CCDC30: variants seen among roughly 807,000 people sequenced by gnomAD.
The protein encoded by CCDC30 is coiled-coil domain containing 30, also known as coiled-coil domain-containing protein 30.
In CCDC30, 70 loss-of-function variants were observed where a neutral mutation model predicts 100.2. That is an observed-to-expected ratio of 0.70 (90% CI 0.58 to 0.85). The LOEUF is 0.85. CCDC30 is among the 40% of genes least tolerant of loss of function. CCDC30 has a pLI of 0.00. For synonymous variants in CCDC30, 233 were observed against 269.5 expected, an observed-to-expected ratio of 0.86 and a Z score of 1.33; for missense variants, 652 against 771.2, an observed-to-expected ratio of 0.85 and a Z score of 1.83.
chr1:42,490,375 G>T, intron 4 of CCDC30, 146 bp downstream of exon 4: 1 of 361,298 alleles, frequency 2.8e-6, no homozygotes, highest in Non-Finnish European at 4.9e-6. Flanking sequence ...TCCAGCCTGG[G>T]TGATAATGCA....
intron 8 of CCDC30, among the ~76,000 whole-genome samples, chr1:42,580,325 G>A (rs11807544): frequency 0.034 from 5,184 of 152,264 alleles, 304 homozygotes; most frequent in African/African-American, 0.12. Flanking sequence ...GGGCTATGCA[G>A]AGACCTAGGT....
chr1:42,497,420 C>T (rs2148474824), intron 5 of CCDC30, among the ~76,000 whole-genome samples: 1 of 152,248 alleles, frequency 6.6e-6, no homozygotes, highest in South Asian at 2.1e-4. Context: ...CTATGCTAAA[C>T]AGCAACATTG....
chr1:42,588,733 G>A (rs1294563272), intron 9 of CCDC30, among the ~76,000 whole-genome samples: 1 of 152,120 alleles, frequency 6.6e-6, no homozygotes, highest in East Asian at 1.9e-4. Flanking sequence ...CAGTCTTCAC[G>A]CAGATAAGAG....
chr1:42,526,461 A>G (rs1306429388), intron 6 of CCDC30, among the ~76,000 whole-genome samples: 1 of 152,064 alleles, frequency 6.6e-6, no homozygotes, highest in African/African-American at 2.4e-5. Context: ...AAATCATACA[A>G]ATGATATCAT....
intron 3 of CCDC30, among the ~76,000 whole-genome samples, chr1:42,483,591 G>T (rs1055547754): frequency 4.6e-5 from 7 of 152,080 alleles, no homozygotes; most frequent in Non-Finnish European, 7.4e-5. Context: ...GGCTTTAACT[G>T]GTATTCCCTG....
intron 10 of CCDC30, among the ~76,000 whole-genome samples, chr1:42,606,815 A>G (rs565906641): frequency 5.3e-4 from 81 of 152,352 alleles, no homozygotes; most frequent in Non-Finnish European, 9.1e-4. Context: ...CATAGGTACC[A>G]TAGATGAAGT....
chr1:42,456,621 G>A, the CCDC30 span: 1 of 1,574,156 alleles, frequency 6.4e-7, no homozygotes, highest in Non-Finnish European at 8.6e-7. Context: ...GCTGCGCGCT[G>A]GGCTGAGGTT....
At chr1:42,546,278 G>A (rs1402597763) in intron 6 of CCDC30, among the ~76,000 whole-genome samples, 7 of 150,098 alleles carry the variant, frequency 4.7e-5, no homozygotes, top group African/African-American at 1.5e-4. Flanking sequence ...CCAGCTACTC[G>A]GGAGGCTGAG....
chr1:42,541,715 CA>C (rs1219192373), intron 6 of CCDC30, among the ~76,000 whole-genome samples: 1 of 152,194 alleles, frequency 6.6e-6, no homozygotes, highest in Non-Finnish European at 1.5e-5. Flanking sequence ...AACTTTTACT[CA>C]TTAAAAGTTT....
intron 7 of CCDC30, among the ~76,000 whole-genome samples, chr1:42,575,756 A>T (rs1164988520): frequency 6.6e-6 from 1 of 152,186 alleles, no homozygotes; most frequent in Non-Finnish European, 1.5e-5. Context: ...TTAATTATAA[A>T]TCATGGTATG....
chr1:42,472,479 T>C (rs1336694610), intron 1 of CCDC30, among the ~76,000 whole-genome samples: 1 of 152,092 alleles, frequency 6.6e-6, no homozygotes, highest in Non-Finnish European at 1.5e-5. Context: ...GTAAAATAAA[T>C]CCTGGATAGT....
chr1:42,518,454 C>T (rs80219172), intron 6 of CCDC30, among the ~76,000 whole-genome samples: 1 of 152,112 alleles, frequency 6.6e-6, no homozygotes, highest in Non-Finnish European at 1.5e-5. Context: ...TGACAGTAGT[C>T]CCATATGGTT....
At chr1:42,513,540 T>C (rs908429887) in intron 6 of CCDC30, among the ~76,000 whole-genome samples, 5 of 152,194 alleles carry the variant, frequency 3.3e-5, no homozygotes, top group African/African-American at 1.2e-4. Flanking sequence ...CTTTTCCTAT[T>C]GGCACAACTG....
At chr1:42,567,197 T>G (rs1399085399) in intron 7 of CCDC30, among the ~76,000 whole-genome samples, 1 of 152,216 alleles carries the variant, frequency 6.6e-6, no homozygotes, top group Non-Finnish European at 1.5e-5. Flanking sequence ...GTCAGCAAAC[T>G]TTGGCATGTA....
At chr1:42,459,549 C>T (rs952350477), upstream of CCDC30, 4 of 1,405,660 alleles carry the variant, frequency 2.8e-6, no homozygotes, top group African/African-American at 4.3e-5. Flanking sequence ...ATGAGATTGA[C>T]CTGGTAGGTA....
chr1:42,623,853 T>C (rs1646885052), intron 11 of CCDC30, among the ~76,000 whole-genome samples: 1 of 152,192 alleles, frequency 6.6e-6, no homozygotes, highest in African/African-American at 2.4e-5. Context: ...TATTGATTCT[T>C]CCAATCCAAG....
chr1:42,567,484 G>A (rs563721509), intron 7 of CCDC30, among the ~76,000 whole-genome samples: 6 of 152,256 alleles, frequency 3.9e-5, no homozygotes, highest in Admixed American at 3.9e-4. Context: ...CAGTCTAGTA[G>A]GGGAGATATA....
At chr1:42,537,962 T>G (rs896417000) in intron 6 of CCDC30, 1 of 117,850 alleles carries the variant, frequency 8.5e-6, no homozygotes, top group Non-Finnish European at 1.7e-5. Flanking sequence ...AGAGCGAAAC[T>G]CCATCTCAAA....
intron 6 of CCDC30, chr1:42,556,383 G>T: frequency 6.2e-7 from 1 of 1,612,288 alleles, no homozygotes; most frequent in Non-Finnish European, 8.5e-7. Flanking sequence ...TCTGGGGATA[G>T]TTCAGATGAC....
Sources: allele counts gnomAD v4.1 joint callset (sites outside exome capture counted in the v4.1 genomes callset), GRCh38; gene constraint gnomAD v4.1.1; transcripts MANE v1.5; gene names NCBI Gene and HGNC (gene_info 2026-07-23, HGNC 2026-07-21).